The following DUS2 variants were observed in gnomAD, a reference collection of about 807,000 sequenced individuals.
The protein encoded by DUS2 is dihydrouridine synthase 2.
In DUS2, 52 loss-of-function variants were observed where a neutral mutation model predicts 71.3. The observed-to-expected ratio is 0.73, with a 90% CI of 0.58 to 0.92. The LOEUF is 0.92. DUS2 is among the 40% of genes least tolerant of loss of function. The probability of loss-of-function intolerance (pLI) is 0.00; values close to 1 mark genes in which losing one functional copy is unlikely to be tolerated. For synonymous variants in DUS2, 204 were observed against 227.8 expected (o/e 0.90, Z 0.94); for missense variants, 558 against 622.6 (o/e 0.90, Z 1.10).
In DUS2 at chr16:68,070,957, A is replaced by G. The variant is rs746726616; in HGVS notation, c.659A>G (p.His220Arg). 4 of 1,614,104 alleles carry G rather than the reference A, an allele frequency of 2.5e-6. No individual in the cohort carries two copies. In the South Asian group the frequency reaches 3.3e-5, roughly 13 times the overall value. ...CTTTTTAGCGGAGGATCTCATGACC[A>G]CATCCAACAGTATTCGGACATAGAG... ...PVIANGGSHD[H>R]IQQYSDIEDF... is the part of the protein sequence containing the mutation. The change falls in exon 12 of 17, where the codon CAC becomes CGC. Residue 220 changes from histidine to arginine, a missense_variant. His to Arg is a conservative substitution (Grantham distance 29, BLOSUM62 0). Coordinates refer to ENST00000565263, the MANE Select transcript of DUS2 (RefSeq NM_017803.5).
At chr16:68,039,425 T>TC (rs1328758046) in intron 3 of DUS2, among the ~76,000 whole-genome samples, 2 of 151,948 alleles carry the variant, frequency 1.3e-5, no homozygotes, top group African/African-American at 4.8e-5. Context: ...GTTTCTATTT[T>TC]TTTTTTTCCT....
chr16:68,066,385 A>C lies in DUS2; in HGVS notation c.483+3A>C. 6.2e-7 allele frequency: 1 copy of C among 1,613,090 alleles called. No homozygotes were observed. Among genetic ancestry groups the C allele is most frequent in the Non-Finnish European group, 8.5e-7 (1 of 1,178,986 alleles). On this transcript the variant is annotated splice_donor_region_variant and intron_variant, in intron 9 of 16. Coordinates refer to ENST00000565263, the MANE Select transcript of DUS2 (RefSeq NM_017803.5). ...GCAAGATTCGCATCCTGCCATCGGTAAGGATGGTGTGTTACATATGAAGGT... is the reference window on the plus strand; with the variant it reads ...GCAAGATTCGCATCCTGCCATCGGTCAGGATGGTGTGTTACATATGAAGGT...
In DUS2 at chr16:68,042,183, A is replaced by G. The variant is rs550823639; in HGVS notation, c.126+4034A>G. ...CATCAAGGCTTACCTATGTTATAGCATGTGACAAGATTTCCTTCTTTTTTA... is the reference window on the plus strand; with the variant it reads ...CATCAAGGCTTACCTATGTTATAGCGTGTGACAAGATTTCCTTCTTTTTTA... On this transcript the variant is annotated intron_variant, in intron 3 of 16. Coordinates refer to ENST00000565263, the MANE Select transcript of DUS2 (RefSeq NM_017803.5). Among the ~76,000 whole-genome samples, 6 of 152,314 alleles carry G rather than the reference A, an allele frequency of 3.9e-5. No individual in the cohort carries two copies. The South Asian group carries it at 1.0e-3, about 26-fold the overall frequency.
chr16:68,060,966 A>C, intron 7 of DUS2, 100 bp from the exon 8 acceptor site: 1 of 1,155,270 alleles, frequency 8.7e-7, no homozygotes, highest in Non-Finnish European at 1.3e-6. Flanking sequence ...GTCCCTTGGA[A>C]GTGAGTGCCG....
At chr16:68,078,417 C>G in intron 15 of DUS2, 28 bp from the exon 16 acceptor site, 1 of 1,608,698 alleles carries the variant, frequency 6.2e-7, no homozygotes, top group Non-Finnish European at 8.5e-7. Flanking sequence ...TTTCTCTGGC[C>G]ATGTGATTCC....
At chr16:68,060,444 G>T (rs1485338246) in intron 7 of DUS2, among the ~76,000 whole-genome samples, 1 of 151,806 alleles carries the variant, frequency 6.6e-6, no homozygotes, top group East Asian at 2.0e-4. Context: ...CTCCTGAATA[G>T]CTGGGACTAC....
Position 68,070,164 on chromosome 16 carries a change from C to G in DUS2, c.585C>G (p.Val195=). ...GGGAGGAGCGACCTCAGCATCCTGT[C>G]AGCTGTGAAGTCATCAAAGCCATTG... The part of the protein sequence containing the change: ...RKREERPQHP[V]SCEVIKAIAD... Residue 195 remains valine (V), a synonymous_variant, in exon 11 of 17, where the codon GTC becomes GTG. Coordinates refer to ENST00000565263, the MANE Select transcript of DUS2 (RefSeq NM_017803.5). The G allele has an allele frequency of 6.2e-7, 1 of 1,614,132 alleles. No homozygotes were observed. Among genetic ancestry groups the G allele is most frequent in the South Asian group, 1.1e-5 (1 of 91,080 alleles).
chr16:68,031,019 C>T (rs2033429330), intron 2 of DUS2, among the ~76,000 whole-genome samples: 1 of 152,058 alleles, frequency 6.6e-6, no homozygotes, highest in Admixed American at 6.6e-5. Context: ...GATGGGATTA[C>T]AGGTGTGAGC....
chr16:68,032,987 G>T (rs2033463360), intron 2 of DUS2, among the ~76,000 whole-genome samples: 1 of 152,100 alleles, frequency 6.6e-6, no homozygotes, highest in Admixed American at 6.6e-5. Flanking sequence ...ACAGGTGAGG[G>T]TGAGGCTGGA....
chr16:68,040,728 G>A (rs1377130389), intron 3 of DUS2, among the ~76,000 whole-genome samples: 1 of 152,036 alleles, frequency 6.6e-6, no homozygotes, highest in African/African-American at 2.4e-5. Flanking sequence ...GGGCCCCCGG[G>A]CATGGCTGAG....
chr16:68,065,652 C>G (rs1229836462), intron 8 of DUS2, among the ~76,000 whole-genome samples: 2 of 151,864 alleles, frequency 1.3e-5, no homozygotes, highest in South Asian at 2.1e-4. Context: ...AACAAACAAA[C>G]AAACAAAAAG....
At chr16:68,045,032 A>G (rs1370560393) in intron 3 of DUS2, among the ~76,000 whole-genome samples, 3 of 152,078 alleles carry the variant, frequency 2.0e-5, no homozygotes, top group African/African-American at 7.2e-5. Context: ...ACCTCAGGCA[A>G]TCCACCCAGC....
chr16:68,028,355 G>A (rs997079539), intron 2 of DUS2, among the ~76,000 whole-genome samples: 1 of 152,106 alleles, frequency 6.6e-6, no homozygotes, highest in African/African-American at 2.4e-5. Flanking sequence ...GACGTTAGAG[G>A]CCAGGCGCGG....
intron 3 of DUS2, among the ~76,000 whole-genome samples, chr16:68,039,588 T>C (rs951485802): frequency 6.6e-6 from 1 of 151,908 alleles, no homozygotes; most frequent in East Asian, 1.9e-4. Context: ...CTGGCTAATT[T>C]CTTTTTGTAT....
At chr16:68,065,186 CT>C (rs1254318934) in intron 8 of DUS2, among the ~76,000 whole-genome samples, 1 of 152,120 alleles carries the variant, frequency 6.6e-6, no homozygotes, top group Non-Finnish European at 1.5e-5. Context: ...GTGATAAGCA[CT>C]TTTAAATATG....
At chr16:68,066,404 T>C in intron 9 of DUS2, 22 bp downstream of exon 9, 5 of 1,611,746 alleles carry the variant, frequency 3.1e-6, no homozygotes, top group Non-Finnish European at 4.2e-6. Context: ...GTGTTACATA[T>C]GAAGGTCCAT....
intron 4 of DUS2, among the ~76,000 whole-genome samples, chr16:68,052,581 A>G (rs922151575): frequency 6.6e-6 from 1 of 152,120 alleles, no homozygotes; most frequent in Non-Finnish European, 1.5e-5. Context: ...GCTGAACTTC[A>G]GAGTGATGTT....
chr16:68,048,542 G>T (rs1166948159), intron 3 of DUS2, among the ~76,000 whole-genome samples: 3 of 152,196 alleles, frequency 2.0e-5, no homozygotes, highest in Non-Finnish European at 1.5e-5. Flanking sequence ...CCTGAATACT[G>T]CATGGAGAGA....
intron 16 of DUS2, 57 bp from the exon 17 acceptor site, chr16:68,078,692 G>A (rs909821231): frequency 3.2e-6 from 5 of 1,546,944 alleles, no homozygotes; most frequent in South Asian, 1.2e-5. Context: ...GATGTGTAGA[G>A]TCAGGCCTCA....
Sources: allele counts gnomAD v4.1 joint callset (sites outside exome capture counted in the v4.1 genomes callset), GRCh38; gene constraint gnomAD v4.1.1; transcripts MANE v1.5; gene names NCBI Gene and HGNC (gene_info 2026-07-23, HGNC 2026-07-21).